Variants in PCDH15 observed in about 807,000 individuals in gnomAD.
PCDH15 encodes the protein protocadherin related 15, also known as protocadherin-15.
In PCDH15, 129 loss-of-function variants were observed where a neutral mutation model predicts 178.5. That is an observed-to-expected ratio of 0.72 (90% CI 0.63 to 0.84). The LOEUF (loss-of-function observed/expected upper bound fraction) is 0.84, where lower values mean the gene tolerates loss of function less well. Among genes scored for constraint, PCDH15 ranks in the 40% least tolerant of loss-of-function variants. The probability of loss-of-function intolerance (pLI) is 0.00; values close to 1 mark genes in which losing one functional copy is unlikely to be tolerated. For missense variants in PCDH15, 2,230 were observed against 2,099.9 expected (o/e 1.06, Z -1.21); for synonymous variants, 800 against 732.0 (o/e 1.09, Z -1.50).
intron 1 of PCDH15, among the ~76,000 whole-genome samples, chr10:54,751,536 GA>G (rs1205666685): frequency 6.6e-6 from 1 of 151,988 alleles, no homozygotes; most frequent in African/African-American, 2.4e-5. Flanking sequence ...ATTGCACCCA[GA>G]AAAAACCCTT....
At chr10:53,818,210 T>A in intron 33 of PCDH15, 197 bp from the exon 34 acceptor site, 1 of 375,626 alleles carries the variant, frequency 2.7e-6, no homozygotes, top group Non-Finnish European at 4.7e-6. Flanking sequence ...CCTGAATTAC[T>A]AAAATAATGA....
intron 2 of PCDH15, among the ~76,000 whole-genome samples, chr10:54,957,654 A>C (rs1564663583): frequency 1.3e-5 from 2 of 151,184 alleles, no homozygotes; most frequent in East Asian, 1.9e-4. Context: ...TCTCCATAGC[A>C]GGAAGGAAAA....
intron 2 of PCDH15, among the ~76,000 whole-genome samples, chr10:55,517,938 T>A (rs1366330390): frequency 6.6e-6 from 1 of 152,128 alleles, no homozygotes; most frequent in Non-Finnish European, 1.5e-5. Flanking sequence ...AGTAACATAG[T>A]TTAGTTTCTA....
intron 21 of PCDH15, chr10:53,994,571 A>C (rs1044557859): frequency 3.3e-5 from 5 of 152,132 alleles, no homozygotes; most frequent in African/African-American, 1.2e-4. Context: ...AAACAGAAAA[A>C]TTGCCAGTTT....
chr10:54,806,437 A>G (rs529276379), intron 3 of PCDH15, among the ~76,000 whole-genome samples: 7 of 151,140 alleles, frequency 4.6e-5, no homozygotes, highest in South Asian at 4.2e-4. Context: ...GGTTGTTTGG[A>G]AAAAAAAATC....
At chr10:54,314,206 GATT>G (rs936667600) in intron 8 of PCDH15, among the ~76,000 whole-genome samples, 1 of 151,586 alleles carries the variant, frequency 6.6e-6, no homozygotes, top group African/African-American at 2.4e-5. Flanking sequence ...GATTGAAAAA[GATT>G]ATTATCAAGT....
chr10:54,082,816 C>A (rs1315650548), intron 16 of PCDH15, among the ~76,000 whole-genome samples: 2 of 148,336 alleles, frequency 1.3e-5, no homozygotes, highest in South Asian at 4.2e-4. Flanking sequence ...GTAAAAAAAA[C>A]AACGCATATA....
chr10:55,404,126 C>T (rs1039738555), intron 2 of PCDH15, among the ~76,000 whole-genome samples: 1 of 149,526 alleles, frequency 6.7e-6, no homozygotes, highest in Non-Finnish European at 1.5e-5. Context: ...AATAAGAATA[C>T]CCCCCACATT....
At chr10:54,509,892 T>G (rs1021971139) in intron 3 of PCDH15, among the ~76,000 whole-genome samples, 2 of 152,202 alleles carry the variant, frequency 1.3e-5, no homozygotes, top group African/African-American at 4.8e-5. Context: ...TGTTCACATA[T>G]GTCTTCGAAA....
At chr10:54,521,568 A>C (rs933213170) in intron 3 of PCDH15, among the ~76,000 whole-genome samples, 2 of 152,172 alleles carry the variant, frequency 1.3e-5, no homozygotes, top group African/African-American at 4.8e-5. Flanking sequence ...TGATTTTTTA[A>C]AAGAGAATGT....
chr10:54,716,565 T>C (rs2095482132), intron 1 of PCDH15, among the ~76,000 whole-genome samples: 1 of 152,112 alleles, frequency 6.6e-6, no homozygotes, highest in Admixed American at 6.6e-5. Flanking sequence ...TCTGTTTGTC[T>C]GTTATTGATA....
intron 3 of PCDH15, among the ~76,000 whole-genome samples, chr10:54,380,547 T>C (rs948021591): frequency 8.6e-5 from 11 of 128,650 alleles, no homozygotes; most frequent in Admixed American, 3.0e-4. Context: ...AGAAAACTTA[T>C]GTACAATAGG....
intron 13 of PCDH15, among the ~76,000 whole-genome samples, chr10:54,180,387 T>C (rs2047876775): frequency 1.3e-5 from 2 of 152,210 alleles, no homozygotes; most frequent in Non-Finnish European, 2.9e-5. Flanking sequence ...CTTAAAAAAT[T>C]GAGTATGCAC....
intron 2 of PCDH15, among the ~76,000 whole-genome samples, chr10:55,022,799 C>T (rs544947293): frequency 6.6e-6 from 1 of 150,714 alleles, no homozygotes; most frequent in South Asian, 2.1e-4. Context: ...CAAGCTCCGC[C>T]TCCCGCGTTC....
intron 2 of PCDH15, among the ~76,000 whole-genome samples, chr10:54,559,442 C>G (rs1309169133): frequency 6.6e-6 from 1 of 151,940 alleles, no homozygotes; most frequent in Non-Finnish European, 1.5e-5. Flanking sequence ...CACAATAATT[C>G]AATGTTGCAT....
chr10:54,063,353 T>G (rs2094070287), intron 18 of PCDH15, among the ~76,000 whole-genome samples: 1 of 152,186 alleles, frequency 6.6e-6, no homozygotes, highest in Non-Finnish European at 1.5e-5. Context: ...CCAACTTCTC[T>G]CAACTTCTCT....
chr10:54,308,676 C>A (rs1325394418), intron 8 of PCDH15, among the ~76,000 whole-genome samples: 1 of 152,010 alleles, frequency 6.6e-6, no homozygotes, highest in Non-Finnish European at 1.5e-5. Context: ...GTTACATGTG[C>A]AGAACGTGCA....
intron 2 of PCDH15, among the ~76,000 whole-genome samples, chr10:55,007,365 T>G (rs1198702933): frequency 6.7e-6 from 1 of 149,644 alleles, no homozygotes; most frequent in Admixed American, 6.9e-5. Context: ...TTTCAGAAAA[T>G]AGTGTTGTGG....
chr10:55,156,890 G>T (rs945009997), intron 2 of PCDH15, among the ~76,000 whole-genome samples: 1 of 152,140 alleles, frequency 6.6e-6, no homozygotes, highest in African/African-American at 2.4e-5. Context: ...GATAGGCTGA[G>T]ATTATGAGGG....
Sources: gnomAD v4.1 joint callset for allele counts (sites outside exome capture counted in the v4.1 genomes callset) on GRCh38, gnomAD v4.1.1 for gene constraint, MANE v1.5 for transcripts, NCBI Gene and HGNC (gene_info 2026-07-23, HGNC 2026-07-21) for gene names.